The following CEP97 variants were observed in gnomAD, a reference collection of about 807,000 sequenced individuals.
CEP97 encodes centrosomal protein 97.
CEP97 carries 43 observed loss-of-function variants against 73.1 expected under a neutral mutation model. The ratio of observed to expected loss-of-function variants is 0.59; its 90% confidence interval spans 0.46 to 0.76. CEP97 has a LOEUF of 0.76. Among genes scored for constraint, CEP97 ranks in the 30% least tolerant of loss-of-function variants. The pLI is 0.00. For synonymous variants in CEP97, 337 were observed against 370.0 expected, an observed-to-expected ratio of 0.91 and a Z score of 1.02; for missense variants, 939 against 1,014.0, an observed-to-expected ratio of 0.93 and a Z score of 1.00.
At chr3:101,732,710 A>G in intron 6 of CEP97, 56 bp downstream of exon 6, 1 of 1,433,356 alleles carries the variant, frequency 7.0e-7, no homozygotes, top group Non-Finnish European at 9.6e-7. Flanking sequence ...TTTCTAGTTT[A>G]CTACAGATTA....
chr3:101,733,985 C>G (rs1938199490), intron 6 of CEP97, among the ~76,000 whole-genome samples: 1 of 152,126 alleles, frequency 6.6e-6, no homozygotes, highest in Admixed American at 6.5e-5. Context: ...TGCCACCACA[C>G]CCAGCTAATT....
At chr3:101,725,462 G>T (rs1188945697) in intron 1 of CEP97, among the ~76,000 whole-genome samples, 1 of 152,202 alleles carries the variant, frequency 6.6e-6, no homozygotes, top group Non-Finnish European at 1.5e-5. Context: ...TAGACCAGGA[G>T]TGCATTTTCT....
chr3:101,731,760 G>A, intron 4 of CEP97, 80 bp from the exon 5 acceptor site: 1 of 743,308 alleles, frequency 1.3e-6, no homozygotes, highest in Non-Finnish European at 2.4e-6. Flanking sequence ...ATTCTTATAT[G>A]TACCATTTTG....
rs1306230504 is a variant in CEP97 at position 101,747,404 on chromosome 3, C to T, written c.729-8026C>T. Reference sequence around the variant, plus strand: ...CCTCCCGAGTAGCTGGGACTATAGGCGCCTGCCACCACGCCCGGCTAATTT... The same window carrying T: ...CCTCCCGAGTAGCTGGGACTATAGGTGCCTGCCACCACGCCCGGCTAATTT... On this transcript the variant is annotated intron_variant, in intron 6 of 10. Transcript: ENST00000341893. 5.3e-5 allele frequency among the ~76,000 whole-genome samples: 8 copies of T among 149,952 alleles called. 1 individual carries two copies. The South Asian group carries it at 8.4e-4, about 16-fold the overall frequency.
In CEP97 at chr3:101,765,017, A is replaced by C; in HGVS notation, c.2064A>C (p.Val688=). 1 of 1,614,160 alleles carries C rather than the reference A, an allele frequency of 6.2e-7. No homozygotes were observed. The highest frequency in any genetic ancestry group is 8.5e-7 in the Non-Finnish European group (1 of 1,180,016). ...CTGATTGGTTTATTGCTTCTGATGT[A>C]GCTCCTCAAGAGAAATCATTACCAG... ...QNADWFIASD[V]APQEKSLPEF... Residue 688 remains valine (V), a synonymous_variant, in exon 11 of 11, where the codon GTA becomes GTC. Coordinates refer to ENST00000341893, the MANE Select transcript of CEP97 (RefSeq NM_024548.4).
chr3:101,751,068 C>T (rs1938797527), intron 6 of CEP97, among the ~76,000 whole-genome samples: 1 of 152,194 alleles, frequency 6.6e-6, no homozygotes, highest in Non-Finnish European at 1.5e-5. Context: ...AAATTTCCCT[C>T]TACACACTGC....
rs577327688 is a variant in CEP97 at position 101,735,609 on chromosome 3, C to T, written c.728+2955C>T. On this transcript the variant is annotated intron_variant, in intron 6 of 10. Coordinates refer to ENST00000341893, the MANE Select transcript of CEP97 (RefSeq NM_024548.4). ...AGTGCAAGGGGTCAGGGAACTCCCT[C>T]CCCTAGCCTGGGGAAGCCGTGAGGG... Among the ~76,000 whole-genome samples, 5 of 152,288 alleles carry T rather than the reference C, an allele frequency of 3.3e-5. 1 individual carries two copies. In the East Asian group the frequency reaches 7.7e-4, roughly 24 times the overall value.
At position 101,757,640 on chromosome 3, in the gene CEP97, T is replaced by C; in HGVS notation, c.1034T>C (p.Val345Ala). ...ACTCTGTTGATTCTTCTAGAACCCGTCATTCAAGTGAATTCTTGGGTTGGG... is the reference window on the plus strand; with the variant it reads ...ACTCTGTTGATTCTTCTAGAACCCGCCATTCAAGTGAATTCTTGGGTTGGG... ...DCQISQESEP[V>A]IQVNSWVGIN... Residue 345 changes from valine to alanine, a missense_variant, in exon 9 of 11, where the codon GTC becomes GCC. Physicochemically the swap from Val to Ala is moderately conservative, Grantham distance 64 (BLOSUM62 0). Coordinates refer to ENST00000341893, the MANE Select transcript of CEP97 (RefSeq NM_024548.4). 1 of 1,612,140 alleles carries C rather than the reference T, an allele frequency of 6.2e-7. No homozygotes were observed. The highest frequency in any genetic ancestry group is 8.5e-7 in the Non-Finnish European group (1 of 1,178,436).
intron 6 of CEP97, among the ~76,000 whole-genome samples, chr3:101,737,786 C>G (rs550743012): frequency 6.6e-6 from 1 of 152,078 alleles, no homozygotes; most frequent in Non-Finnish European, 1.5e-5. Flanking sequence ...CATCAACTAA[C>G]GAGTGAAATA....
At chr3:101,757,329 T>C in intron 8 of CEP97, 133 bp downstream of exon 8, 3 of 946,280 alleles carry the variant, frequency 3.2e-6, no homozygotes, top group Non-Finnish European at 4.7e-6. Context: ...TTAGATCTTA[T>C]ACATATCTAT....
At chr3:101,746,416 A>G (rs1159648822) in intron 6 of CEP97, among the ~76,000 whole-genome samples, 3 of 151,158 alleles carry the variant, frequency 2.0e-5, no homozygotes, top group Non-Finnish European at 4.4e-5. Flanking sequence ...TGAGAAAAAC[A>G]AGCAATGGGG....
rs1226984329 is a variant in CEP97 at position 101,758,038 on chromosome 3, A to C, written c.1432A>C (p.Lys478Gln). 1 of 1,614,240 alleles carries C rather than the reference A, an allele frequency of 6.2e-7. No homozygotes were observed. Among genetic ancestry groups the C allele is most frequent in the Non-Finnish European group, 8.5e-7 (1 of 1,180,046 alleles). ...RSEINTEVNE[K>Q]AGLLPCPEPT... ...TGAAATCAATACAGAGGTAAATGAGAAAGCTGGACTATTACCTTGTCCTGA... is the reference window on the plus strand; with the variant it reads ...TGAAATCAATACAGAGGTAAATGAGCAAGCTGGACTATTACCTTGTCCTGA... Residue 478 changes from lysine to glutamine, a missense_variant, in exon 9 of 11, where the codon AAA becomes CAA. Lys to Gln is a moderately conservative substitution (Grantham distance 53). Coordinates refer to ENST00000341893, the MANE Select transcript of CEP97 (RefSeq NM_024548.4).
At chr3:101,725,176 C>T (rs554185104) in intron 1 of CEP97, among the ~76,000 whole-genome samples, 5 of 152,322 alleles carry the variant, frequency 3.3e-5, no homozygotes, top group African/African-American at 1.2e-4. Flanking sequence ...TGAACCCTTC[C>T]TCGGAGGTGG....
intron 6 of CEP97, among the ~76,000 whole-genome samples, chr3:101,754,610 G>T (rs1175563957): frequency 6.6e-6 from 1 of 152,176 alleles, no homozygotes; most frequent in Non-Finnish European, 1.5e-5. Context: ...CACAGATGGG[G>T]CTAGAGTCAT....
At chr3:101,744,866 C>T (rs1938566577) in intron 6 of CEP97, among the ~76,000 whole-genome samples, 3 of 152,186 alleles carry the variant, frequency 2.0e-5, no homozygotes, top group Admixed American at 1.3e-4. Flanking sequence ...TTAAAGTCTG[C>T]CCATCCTGGT....
Position 101,757,952 on chromosome 3 carries a change from A to G in CEP97, c.1346A>G (p.Asp449Gly). The stretch of plus-strand genomic sequence containing the variant: ...AAAGGGCTGGAAAGCCAGGTGTTGG[A>G]TAAGGAAGAGGAACAGCCTTTATGG... ...SVKGLESQVL[D>G]KEEEQPLWAA... Residue 449 changes from aspartate to glycine, a missense_variant, in exon 9 of 11, where the codon GAT becomes GGT. Transcript: ENST00000341893. The G allele has an allele frequency of 1.9e-6, 3 of 1,614,240 alleles. No individual in the cohort carries two copies. The highest frequency in any genetic ancestry group is 2.5e-6 in the Non-Finnish European group (3 of 1,180,046).
chr3:101,726,577 T>A lies in CEP97; in HGVS notation c.44-17T>A. ...TTATTTTATTTGTGTTTTCTAACAT[T>A]TCCGTTTCTTTTCAAGGATCAGTGG... On this transcript the variant is annotated splice_polypyrimidine_tract_variant and intron_variant, in intron 1 of 10. Transcript: ENST00000341893. 3 of 1,556,516 alleles carry A rather than the reference T, an allele frequency of 1.9e-6. No individual in the cohort carries two copies. Among genetic ancestry groups the A allele is most frequent in the Non-Finnish European group, 2.6e-6 (3 of 1,156,558 alleles).
chr3:101,745,967 C>G (rs539904712), intron 6 of CEP97, among the ~76,000 whole-genome samples: 18 of 152,142 alleles, frequency 1.2e-4, no homozygotes, highest in African/African-American at 4.3e-4. Flanking sequence ...CATGTGTTCT[C>G]ATTGTTCAAT....
At chr3:101,760,183 G>C (rs1939132028) in intron 9 of CEP97, among the ~76,000 whole-genome samples, 1 of 152,104 alleles carries the variant, frequency 6.6e-6, no homozygotes, top group South Asian at 2.1e-4. Flanking sequence ...AAAAAGTCCT[G>C]TCTGATGCTG....
Sources: gnomAD v4.1 joint callset for allele counts (sites outside exome capture counted in the v4.1 genomes callset) on GRCh38, gnomAD v4.1.1 for gene constraint, MANE v1.5 for transcripts, NCBI Gene and HGNC (gene_info 2026-07-23, HGNC 2026-07-21) for gene names.